GRM7: variants seen among roughly 807,000 people sequenced by gnomAD.
The protein encoded by GRM7 is metabotropic glutamate receptor 7.
A neutral mutation model predicts 84.5 loss-of-function variants in GRM7; 35 were observed. The ratio of observed to expected loss-of-function variants is 0.41; its 90% CI spans 0.32 to 0.55. The LOEUF (loss-of-function observed/expected upper bound fraction) is 0.55. Among genes scored for constraint, GRM7 ranks in the 20% least tolerant of loss-of-function variants. The pLI, the probability that GRM7 is intolerant of heterozygous loss-of-function variation, is 0.19. For synonymous variants in GRM7, 487 were observed against 455.1 expected (o/e 1.07, Z -0.89); for missense variants, 1,003 against 1,194.6 (o/e 0.84, Z 2.36).
intron 2 of GRM7, among the ~76,000 whole-genome samples, chr3:7,262,381 G>A (rs1212874841): frequency 6.6e-6 from 1 of 151,916 alleles, no homozygotes; most frequent in Non-Finnish European, 1.5e-5. Flanking sequence ...TCTTCAGCTT[G>A]GTCTATTCTG....
At chr3:7,130,379 T>C (rs978712682) in intron 1 of GRM7, among the ~76,000 whole-genome samples, 4 of 151,932 alleles carry the variant, frequency 2.6e-5, no homozygotes, top group Admixed American at 2.0e-4. Context: ...CTGTCTCTAC[T>C]AAAAATACAG....
intron 7 of GRM7, among the ~76,000 whole-genome samples, chr3:7,469,205 C>T (rs76054866): frequency 0.029 from 4,402 of 152,236 alleles, 98 homozygotes; most frequent in African/African-American, 0.07. Flanking sequence ...TCAGAGGATG[C>T]AACCAGACTT....
chr3:7,251,399 A>T (rs1697981191), intron 2 of GRM7, among the ~76,000 whole-genome samples: 1 of 152,138 alleles, frequency 6.6e-6, no homozygotes, highest in African/African-American at 2.4e-5. Flanking sequence ...TTTCAGTATC[A>T]CTGTGAAGGT....
At chr3:7,525,283 A>T (rs1331228514) in intron 7 of GRM7, among the ~76,000 whole-genome samples, 1 of 152,106 alleles carries the variant, frequency 6.6e-6, no homozygotes, top group African/African-American at 2.4e-5. Context: ...AAATAAAAAA[A>T]TCTGTGGTAC....
chr3:7,740,458 C>G lies in GRM7; in HGVS notation c.*52C>G. The G allele has an allele frequency of 9.3e-7, 1 of 1,079,216 alleles. No homozygotes were observed. Among genetic ancestry groups the G allele is most frequent in the Non-Finnish European group, 1.4e-6 (1 of 731,772 alleles). The allele number at this position is 1,079,216 out of a possible 1,614,324, so 66.9% of individuals were successfully genotyped here. A position where few individuals can be genotyped will look rare whatever the true frequency, so the allele number is the denominator to read the frequency against. ...GGAGGAAGACCCTCAGTTATTTTGT[C>G]ACCCAACCTGGCATAGGACTCTTTG... On this transcript the variant is annotated 3_prime_UTR_variant, in exon 10 of 10. Transcript: ENST00000357716.
chr3:7,563,230 G>T (rs1191502801), intron 7 of GRM7, among the ~76,000 whole-genome samples: 2 of 152,074 alleles, frequency 1.3e-5, no homozygotes, highest in African/African-American at 2.4e-5. Flanking sequence ...TGTACAGTTT[G>T]TTATATTTAA....
chr3:7,511,422 C>G (rs1477166069), intron 7 of GRM7, among the ~76,000 whole-genome samples: 2 of 150,132 alleles, frequency 1.3e-5, no homozygotes, highest in East Asian at 1.9e-4. Context: ...GGCTGCTGCA[C>G]AGTGGTGAGT....
At chr3:6,937,536 A>G (rs1355145092) in intron 1 of GRM7, among the ~76,000 whole-genome samples, 2 of 152,172 alleles carry the variant, frequency 1.3e-5, no homozygotes, top group Admixed American at 6.5e-5. Flanking sequence ...GTTTCAGGTT[A>G]ATTTGAACAA....
intron 8 of GRM7, among the ~76,000 whole-genome samples, chr3:7,618,175 A>G (rs1376240005): frequency 1.3e-5 from 2 of 152,166 alleles, no homozygotes; most frequent in African/African-American, 4.8e-5. Flanking sequence ...TAGAGCCAAG[A>G]GCCAAAACTC....
intron 5 of GRM7, among the ~76,000 whole-genome samples, chr3:7,415,376 T>C (rs1160009079): frequency 6.6e-6 from 1 of 152,184 alleles, no homozygotes; most frequent in South Asian, 2.1e-4. Flanking sequence ...CTAGCAGTAA[T>C]TGACATTTTC....
intron 4 of GRM7, among the ~76,000 whole-genome samples, chr3:7,355,248 G>A (rs76925332): frequency 0.04 from 6,058 of 152,200 alleles, 167 homozygotes; most frequent in Non-Finnish European, 0.055. Context: ...TGCCTAGTAC[G>A]ACTATTTGGA....
At chr3:7,053,157 T>C (rs1697072554) in intron 1 of GRM7, among the ~76,000 whole-genome samples, 1 of 151,220 alleles carries the variant, frequency 6.6e-6, no homozygotes, top group African/African-American at 2.4e-5. Flanking sequence ...TTAGGCTTAA[T>C]GTTAAAAATC....
At chr3:7,132,706 T>G (rs1348861148) in intron 1 of GRM7, among the ~76,000 whole-genome samples, 1 of 152,248 alleles carries the variant, frequency 6.6e-6, no homozygotes, top group Admixed American at 6.5e-5. Flanking sequence ...AGATTTAATT[T>G]CACCTTCTGA....
At chr3:7,276,747 GTTTC>G (rs1250254002) in intron 2 of GRM7, among the ~76,000 whole-genome samples, 1 of 38,598 alleles carries the variant, frequency 2.6e-5, no homozygotes, top group African/African-American at 8.9e-5. Context: ...GTTTCTTTCT[GTTTC>G]TTTCTCTCTT....
chr3:7,103,818 C>CTTCTTTCTT (rs1201324152), intron 1 of GRM7, among the ~76,000 whole-genome samples: 5 of 122,270 alleles, frequency 4.1e-5, no homozygotes, highest in African/African-American at 2.0e-4. Context: ...TTCTTTCTTT[C>CTTCTTTCTT]TCTCTCTCTC....
intron 8 of GRM7, among the ~76,000 whole-genome samples, chr3:7,645,238 C>T (rs1027979207): frequency 6.6e-6 from 1 of 152,016 alleles, no homozygotes; most frequent in Non-Finnish European, 1.5e-5. Flanking sequence ...AAGCAAACTT[C>T]AAAGAAGCTG....
chr3:7,510,732 A>G (rs961152210), intron 7 of GRM7, among the ~76,000 whole-genome samples: 3 of 152,216 alleles, frequency 2.0e-5, no homozygotes, highest in African/African-American at 7.2e-5. Flanking sequence ...TTACACTTAC[A>G]AATAGTTGAA....
chr3:7,344,089 T>TG, intron 4 of GRM7, among the ~76,000 whole-genome samples: 1 of 150,610 alleles, frequency 6.6e-6, no homozygotes, highest in South Asian at 2.1e-4. Flanking sequence ...CATCAAATCA[T>TG]GTTTTTTTTT....
intron 8 of GRM7, among the ~76,000 whole-genome samples, chr3:7,645,353 C>G (rs1427103718): frequency 2.6e-5 from 4 of 151,700 alleles, no homozygotes; most frequent in Non-Finnish European, 5.9e-5. Flanking sequence ...TTGAGACCAT[C>G]CTGGCCAACA....
Sources: gnomAD v4.1 joint callset for allele counts (sites outside exome capture counted in the v4.1 genomes callset) on GRCh38, gnomAD v4.1.1 for gene constraint, MANE v1.5 for transcripts, NCBI Gene and HGNC (gene_info 2026-07-23, HGNC 2026-07-21) for gene names.